Variants in PPP6R3 observed in about 807,000 individuals in gnomAD.
PPP6R3 encodes protein phosphatase 6 regulatory subunit 3, also known as serine/threonine-protein phosphatase 6 regulatory subunit 3.
A neutral mutation model predicts 110.7 loss-of-function variants in PPP6R3; 38 were observed. The ratio of observed to expected loss-of-function variants is 0.34; its 90% CI spans 0.26 to 0.45. The LOEUF is 0.45. Ranked by LOEUF, PPP6R3 falls within the 20% of genes least tolerant of loss-of-function variation. The pLI is 1.00. For synonymous variants in PPP6R3, 369 were observed against 373.5 expected (o/e 0.99, Z 0.14); for missense variants, 870 against 1,062.4 (o/e 0.82, Z 2.52).
intron 1 of PPP6R3, among the ~76,000 whole-genome samples, chr11:68,507,024 T>G (rs1489016227): frequency 6.6e-6 from 1 of 152,228 alleles, no homozygotes; most frequent in African/African-American, 2.4e-5. Flanking sequence ...ATGTACTAAT[T>G]TATGACTTGG....
chr11:68,612,777 C>T (rs1944237211), intron 23 of PPP6R3: 2 of 427,060 alleles, frequency 4.7e-6, no homozygotes, highest in Non-Finnish European at 8.6e-6. Flanking sequence ...CTGACCTAGT[C>T]ACTCCCTGTG....
Position 68,514,303 on chromosome 11 carries a change from G to A in PPP6R3, c.-157-5198G>A, listed in dbSNP as rs111490421. 4.6e-5 allele frequency among the ~76,000 whole-genome samples: 7 copies of A among 152,134 alleles called. 2 individuals are homozygous for A. The highest frequency in any genetic ancestry group is 1.7e-4 in the African/African-American group (7 of 41,510). ...CCAGCTGGTCTTGAACTGGCCTTAA[G>A]CATTCCACCCGTCAGAGCCTCCCAA... On this transcript the variant is annotated intron_variant, in intron 1 of 23. Transcript: ENST00000393800.
Position 68,592,037 on chromosome 11 carries a change from G to A in PPP6R3, c.1916+331G>A, listed in dbSNP as rs942758592. ...TCAGTAATTACAACAGCAGTTATGT[G>A]TTGTTTCTTGTAAAAGATGGAAAAC... On this transcript the variant is annotated intron_variant, in intron 18 of 23. Coordinates refer to ENST00000393800, the MANE Select transcript of PPP6R3 (RefSeq NM_001164161.2). Among the ~76,000 whole-genome samples the A allele has an allele frequency of 4.6e-5, 7 of 152,320 alleles. 1 individual carries two copies. Among genetic ancestry groups the A allele is most frequent in the African/African-American group, 1.7e-4 (7 of 41,566 alleles).
chr11:68,584,257 G>A (rs1218757962), intron 15 of PPP6R3, among the ~76,000 whole-genome samples: 1 of 152,196 alleles, frequency 6.6e-6, no homozygotes, highest in Non-Finnish European at 1.5e-5. Context: ...GGCTGCACGG[G>A]CCGTGGCGGT....
intron 1 of PPP6R3, among the ~76,000 whole-genome samples, chr11:68,503,039 G>T (rs1375309554): frequency 6.6e-6 from 1 of 152,180 alleles, no homozygotes; most frequent in Admixed American, 6.6e-5. Flanking sequence ...CGCCTCCCAG[G>T]TTGAAGTGAT....
At chr11:68,469,407 T>A (rs2098773058) in intron 1 of PPP6R3, among the ~76,000 whole-genome samples, 1 of 152,136 alleles carries the variant, frequency 6.6e-6, no homozygotes. Context: ...GTTTATTTTT[T>A]TGAGATAGAG....
At chr11:68,514,743 C>T (rs769776798) in intron 1 of PPP6R3, among the ~76,000 whole-genome samples, 12 of 152,178 alleles carry the variant, frequency 7.9e-5, no homozygotes, top group Admixed American at 4.6e-4. Flanking sequence ...CACCGCCACG[C>T]CCAGCTAATT....
chr11:68,475,909 G>C (rs1412822961), intron 1 of PPP6R3, among the ~76,000 whole-genome samples: 1 of 151,952 alleles, frequency 6.6e-6, no homozygotes, highest in Non-Finnish European at 1.5e-5. Flanking sequence ...ACGATGGGCG[G>C]CCGGGCAGAG....
intron 16 of PPP6R3, among the ~76,000 whole-genome samples, chr11:68,589,774 A>C (rs141342295): frequency 6.6e-6 from 1 of 152,374 alleles, no homozygotes; most frequent in African/African-American, 2.4e-5. Flanking sequence ...AGAAGCTAAA[A>C]TATTTTTACA....
rs539254749 is a variant in PPP6R3, at chr11:68,576,003, G to A, written c.1505G>A (p.Ser502Asn). ...VRERWETFCT[S>N]SLGETNKRNT... is the part of the protein sequence containing the mutation. ...GAACGATGGGAGACGTTCTGCACAAGCTCCTTAGGAGAAACTAACAAGAGG... is the reference window on the plus strand; with the variant it reads ...GAACGATGGGAGACGTTCTGCACAAACTCCTTAGGAGAAACTAACAAGAGG... Residue 502 changes from serine (S) to asparagine (N), a missense_variant, in exon 14 of 24, where the codon AGC becomes AAC. By Grantham distance (46) the Ser-to-Asn change is conservative. Transcript: ENST00000393800. The A allele has an allele frequency of 1.2e-6, 2 of 1,612,368 alleles. No homozygotes were observed. The highest frequency in any genetic ancestry group is 1.3e-5 in the African/African-American group (1 of 74,974).
intron 1 of PPP6R3, among the ~76,000 whole-genome samples, chr11:68,463,964 C>A (rs569114288): frequency 6.6e-6 from 1 of 152,120 alleles, no homozygotes; most frequent in Non-Finnish European, 1.5e-5. Flanking sequence ...CCTCCCTGCC[C>A]GCCAGCAAAA....
chr11:68,512,983 A>G (rs552933200), intron 1 of PPP6R3, among the ~76,000 whole-genome samples: 1 of 152,112 alleles, frequency 6.6e-6, no homozygotes, highest in Non-Finnish European at 1.5e-5. Flanking sequence ...CATCCAATCA[A>G]CCAGGGTCCA....
chr11:68,555,376 A>G (rs1181951327), intron 7 of PPP6R3, among the ~76,000 whole-genome samples: 4 of 152,240 alleles, frequency 2.6e-5, no homozygotes, highest in Non-Finnish European at 5.9e-5. Flanking sequence ...ATGGCTCACT[A>G]CAGTGCTGCC....
chr11:68,615,272 TC>T lies in PPP6R3; in HGVS notation c.*2156del. 1 of 359,606 alleles carries T rather than the reference TC, an allele frequency of 2.8e-6. No individual in the cohort carries two copies. 22.3% of individuals were successfully genotyped at this position (359,606 alleles called of 1,614,324 possible). On this transcript the variant is annotated 3_prime_UTR_variant, in exon 24 of 24. Coordinates refer to ENST00000393800, the MANE Select transcript of PPP6R3 (RefSeq NM_001164161.2). ...TACTGAATTATGAGACTAACAGATG[TC>T]TACAATACAATACCTGTATTCAAAA...
chr11:68,470,071 C>T (rs1004611708), intron 1 of PPP6R3, among the ~76,000 whole-genome samples: 1 of 152,172 alleles, frequency 6.6e-6, no homozygotes. Flanking sequence ...ATGTCTTAAA[C>T]ACTGTTCTAC....
chr11:68,541,672 T>C (rs948315), intron 3 of PPP6R3, among the ~76,000 whole-genome samples: 38,561 of 152,002 alleles, frequency 0.25, 5,129 homozygotes, highest in Middle Eastern at 0.33. Flanking sequence ...TGAGATCGCC[T>C]GCAGAGCTGA....
At chr11:68,506,764 A>G (rs1308543653) in intron 1 of PPP6R3, among the ~76,000 whole-genome samples, 4 of 152,168 alleles carry the variant, frequency 2.6e-5, no homozygotes, top group Admixed American at 2.6e-4. Context: ...TTGTACACTT[A>G]TCTCAGATAA....
chr11:68,587,655 C>T, intron 15 of PPP6R3: 2 of 494,122 alleles, frequency 4.0e-6, no homozygotes, highest in South Asian at 2.0e-5. Context: ...AAACCTCTCT[C>T]TAAAGATAAT....
intron 6 of PPP6R3, among the ~76,000 whole-genome samples, chr11:68,552,609 C>T (rs1190987781): frequency 1.3e-5 from 2 of 152,200 alleles, no homozygotes; most frequent in South Asian, 2.1e-4. Context: ...AAGCCCTCCT[C>T]CTGTGGGCAG....
Sources: allele counts gnomAD v4.1 joint callset (sites outside exome capture counted in the v4.1 genomes callset), GRCh38; gene constraint gnomAD v4.1.1; transcripts MANE v1.5; gene names NCBI Gene and HGNC (gene_info 2026-07-23, HGNC 2026-07-21).